The following DLG2 variants were observed in gnomAD, a reference collection of about 807,000 sequenced individuals.
DLG2 encodes the protein disks large homolog 2.
Under a neutral mutation model 132.5 loss-of-function variants are expected in DLG2, and 45 were observed. The ratio of observed to expected loss-of-function variants is 0.34; its 90% CI spans 0.27 to 0.44. DLG2 has a LOEUF of 0.44. DLG2 is among the 20% of genes least tolerant of loss of function. DLG2 has a pLI of 1.00. For synonymous variants in DLG2, 424 were observed against 419.6 expected (o/e 1.01, Z -0.13); for missense variants, 1,045 against 1,196.9 (o/e 0.87, Z 1.87).
At chr11:84,382,504 A>G (rs1269364661) in intron 7 of DLG2, among the ~76,000 whole-genome samples, 1 of 152,188 alleles carries the variant, frequency 6.6e-6, no homozygotes, top group Non-Finnish European at 1.5e-5. Context: ...GAGACGTTAA[A>G]TGATAAAATA....
chr11:84,804,452 C>A (rs1361732338), intron 6 of DLG2, among the ~76,000 whole-genome samples: 1 of 152,118 alleles, frequency 6.6e-6, no homozygotes, highest in East Asian at 1.9e-4. Flanking sequence ...ACAAATAAAA[C>A]CCCTGGGCAT....
chr11:83,689,595 T>C (rs1428770781), intron 18 of DLG2, among the ~76,000 whole-genome samples: 1 of 152,114 alleles, frequency 6.6e-6, no homozygotes, highest in Non-Finnish European at 1.5e-5. Flanking sequence ...CTAGTTCATA[T>C]AGCTGTTGTG....
intron 4 of DLG2, among the ~76,000 whole-genome samples, chr11:85,235,729 A>G (rs895251164): frequency 6.6e-6 from 1 of 151,946 alleles, no homozygotes; most frequent in Non-Finnish European, 1.5e-5. Context: ...TTATTTAAGA[A>G]GATTTGAAGT....
At chr11:84,887,148 C>A (rs974902710) in intron 6 of DLG2, 3 of 152,018 alleles carry the variant, frequency 2.0e-5, no homozygotes, top group African/African-American at 7.2e-5. Flanking sequence ...TACAGAGCAC[C>A]TTTAAAAAGA....
intron 3 of DLG2, among the ~76,000 whole-genome samples, chr11:85,482,095 G>T (rs1182624819): frequency 6.6e-6 from 1 of 151,886 alleles, no homozygotes; most frequent in African/African-American, 2.4e-5. Context: ...GCCAGCCCCT[G>T]TGGCCCCAGG....
At chr11:84,017,355 C>A (rs1218455503) in intron 11 of DLG2, among the ~76,000 whole-genome samples, 1 of 151,786 alleles carries the variant, frequency 6.6e-6, no homozygotes, top group Non-Finnish European at 1.5e-5. Flanking sequence ...ATTTTGAAAC[C>A]AATGTTATAT....
intron 3 of DLG2, among the ~76,000 whole-genome samples, chr11:85,542,266 T>C (rs2076018384): frequency 6.6e-6 from 1 of 152,152 alleles, no homozygotes; most frequent in African/African-American, 2.4e-5. Flanking sequence ...CCAAAAGAAA[T>C]GGGGCACCAC....
intron 6 of DLG2, among the ~76,000 whole-genome samples, chr11:84,541,015 G>A (rs1184571303): frequency 1.3e-5 from 2 of 152,026 alleles, no homozygotes; most frequent in Non-Finnish European, 2.9e-5. Flanking sequence ...CACAGGGTGG[G>A]GAACATCACA....
intron 3 of DLG2, among the ~76,000 whole-genome samples, chr11:85,501,996 T>C (rs570810413): frequency 6.6e-6 from 1 of 152,210 alleles, no homozygotes; most frequent in East Asian, 1.9e-4. Context: ...TTATTCACAA[T>C]AGCAAAGACT....
At chr11:85,213,406 G>C (rs889620742) in intron 4 of DLG2, among the ~76,000 whole-genome samples, 8 of 151,916 alleles carry the variant, frequency 5.3e-5, no homozygotes, top group Non-Finnish European at 1.5e-5. Context: ...CTGAGTGGGG[G>C]TGGGGGTGGA....
intron 6 of DLG2, among the ~76,000 whole-genome samples, chr11:84,770,643 C>CTTTT (rs34470318): frequency 7.1e-5 from 10 of 140,360 alleles, no homozygotes; most frequent in Non-Finnish European, 1.4e-4. Flanking sequence ...TGATTTCATT[C>CTTTT]TTTTTTTTTT....
At position 83,962,897 on chromosome 11, in the gene DLG2, T is replaced by C. The variant is rs146517533; in HGVS notation, c.1328A>G (p.Asp443Gly). Reference protein sequence around the residue: ...SPIPKHMLVDDDYTRPPEPVY... With the variant: ...SPIPKHMLVDGDYTRPPEPVY... Reference sequence around the variant, plus strand: ...AGGCATATCTGACCTGGTGTAGTCGTCGTCAACAAGCATGTGCTTTGGAAT... The same window carrying C: ...AGGCATATCTGACCTGGTGTAGTCGCCGTCAACAAGCATGTGCTTTGGAAT... The change falls in exon 14 of 28, where the codon GAC becomes GGC. Residue 443 changes from aspartate (D) to glycine (G), a missense_variant. Asp to Gly is a moderately conservative substitution (Grantham distance 94). This residue lies in a region of DLG2 where 261 missense variants were observed against 256.1 expected (regional missense o/e 1.02). Transcript: ENST00000376104. 1.9e-6 allele frequency: 3 copies of C among 1,612,940 alleles called. No individual in the cohort carries two copies. Among genetic ancestry groups the C allele is most frequent in the Non-Finnish European group, 2.5e-6 (3 of 1,179,086 alleles).
At chr11:85,024,440 CTG>C (rs1165537933) in intron 6 of DLG2, among the ~76,000 whole-genome samples, 1 of 152,140 alleles carries the variant, frequency 6.6e-6, no homozygotes, top group Non-Finnish European at 1.5e-5. Context: ...AAGTAGAAAA[CTG>C]TGTGACTTTT....
chr11:85,570,939 C>T (rs192680225), intron 3 of DLG2, among the ~76,000 whole-genome samples: 48 of 152,136 alleles, frequency 3.2e-4, no homozygotes, highest in African/African-American at 1.1e-3. Flanking sequence ...ACCAGAATTC[C>T]TGTTTGATTT....
intron 6 of DLG2, among the ~76,000 whole-genome samples, chr11:84,956,759 G>A (rs940180181): frequency 2.0e-4 from 30 of 152,146 alleles, no homozygotes; most frequent in Non-Finnish European, 3.4e-4. Context: ...ATTAAAAAAT[G>A]AGGGTTAGAT....
chr11:83,513,488 C>G (rs889278021), intron 21 of DLG2, among the ~76,000 whole-genome samples: 3 of 152,182 alleles, frequency 2.0e-5, no homozygotes, highest in Non-Finnish European at 4.4e-5. Context: ...TGCCTGTTCA[C>G]TCTGATGGTA....
chr11:83,702,393 TATCTC>T (rs1277418467), intron 18 of DLG2, among the ~76,000 whole-genome samples: 1 of 152,222 alleles, frequency 6.6e-6, no homozygotes, highest in South Asian at 2.1e-4. Context: ...GAATGTGACT[TATCTC>T]ATGGGGTGTT....
intron 22 of DLG2, chr11:83,480,532 A>T: frequency 6.6e-7 from 1 of 1,515,580 alleles, no homozygotes; most frequent in Admixed American, 2.0e-5. Flanking sequence ...TAAAAGCCGC[A>T]GAGGAGGCTG....
intron 3 of DLG2, among the ~76,000 whole-genome samples, chr11:85,380,488 T>A (rs1596687197): frequency 6.6e-6 from 1 of 152,162 alleles, no homozygotes; most frequent in Non-Finnish European, 1.5e-5. Context: ...GGAGAAACCC[T>A]GTCTCTACTA....
Sources: gnomAD v4.1 joint callset for allele counts (sites outside exome capture counted in the v4.1 genomes callset) on GRCh38, gnomAD v4.1.1 for gene constraint, gnomAD v4.1.1 regional missense constraint, MANE v1.5 for transcripts, NCBI Gene and HGNC (gene_info 2026-07-23, HGNC 2026-07-21) for gene names.